Variants in GALNTL6 observed in about 807,000 individuals in gnomAD.
GALNTL6 encodes polypeptide N-acetylgalactosaminyltransferase-like 6.
A neutral mutation model predicts 73.7 loss-of-function variants in GALNTL6; 46 were observed. The ratio of observed to expected loss-of-function variants is 0.62; its 90% CI spans 0.49 to 0.80. GALNTL6 has a LOEUF of 0.80. Among genes scored for constraint, GALNTL6 ranks in the 30% least tolerant of loss-of-function variants. GALNTL6 has a pLI of 0.00. For missense variants in GALNTL6, 604 were observed against 755.0 expected (o/e 0.80, Z 2.34); for synonymous variants, 259 against 263.7 (o/e 0.98, Z 0.17).
chr4:172,184,323 C>T (rs1050158077), intron 2 of GALNTL6, among the ~76,000 whole-genome samples: 3 of 152,258 alleles, frequency 2.0e-5, no homozygotes, highest in African/African-American at 2.4e-5. Context: ...CCCAATCCCA[C>T]ATCACCCTGT....
In GALNTL6 at chr4:172,362,170, C is replaced by T. The variant is rs1021023840; in HGVS notation, c.553+13481C>T. 2.0e-5 allele frequency among the ~76,000 whole-genome samples: 3 copies of T among 152,056 alleles called. No homozygotes were observed. The South Asian group carries it at 6.2e-4, about 31-fold the overall frequency. On this transcript the variant is annotated intron_variant, in intron 5 of 12. Transcript: ENST00000506823. Reference sequence around the variant, plus strand: ...ACATTGGTAAGAACCTCCTTTTATACCTTTACAAAGAGCAGAGGCACTATC... The same window carrying T: ...ACATTGGTAAGAACCTCCTTTTATATCTTTACAAAGAGCAGAGGCACTATC...
In GALNTL6 at chr4:172,232,448, C is replaced by T. The variant is rs866710966; in HGVS notation, c.247+2684C>T. Among the ~76,000 whole-genome samples the T allele has an allele frequency of 3.3e-5, 5 of 151,590 alleles. No homozygotes were observed. The South Asian group carries it at 1.1e-3, about 32-fold the overall frequency. On this transcript the variant is annotated intron_variant, in intron 3 of 12. Transcript: ENST00000506823. ...TTCTTTAATTTTCTGTAACATTGTC[C>T]TCTTGGTGGGCCTTTGAATAGTTTT...
At chr4:172,949,678 C>T (rs11931235) in intron 9 of GALNTL6, among the ~76,000 whole-genome samples, 56,961 of 151,768 alleles carry the variant, frequency 0.38, 11,378 homozygotes, top group East Asian at 0.48. Flanking sequence ...GGGAGGCCAA[C>T]GCGGGTGGAT....
chr4:172,022,669 G>T (rs770500644), intron 2 of GALNTL6, among the ~76,000 whole-genome samples: 1 of 151,640 alleles, frequency 6.6e-6, no homozygotes, highest in Non-Finnish European at 1.5e-5. Context: ...GCAATGTCTT[G>T]TCTGATTACT....
At chr4:171,930,621 G>A (rs180716631) in intron 2 of GALNTL6, among the ~76,000 whole-genome samples, 155 of 152,182 alleles carry the variant, frequency 1.0e-3, no homozygotes, top group Non-Finnish European at 1.9e-3. Context: ...GATCACCTGA[G>A]GTCAGGAGTT....
intron 2 of GALNTL6, among the ~76,000 whole-genome samples, chr4:171,841,261 A>C (rs771734856): frequency 3.9e-5 from 6 of 152,202 alleles, no homozygotes; most frequent in Non-Finnish European, 8.8e-5. Context: ...GATATTAATT[A>C]ATGGTGGATA....
intron 11 of GALNTL6, among the ~76,000 whole-genome samples, chr4:173,011,044 G>T (rs1056296474): frequency 6.6e-6 from 1 of 152,110 alleles, no homozygotes; most frequent in African/African-American, 2.4e-5. Context: ...TTGGATAAAA[G>T]CCATTTCAAC....
At chr4:173,019,487 A>G (rs1752910239) in intron 11 of GALNTL6, among the ~76,000 whole-genome samples, 1 of 152,214 alleles carries the variant, frequency 6.6e-6, no homozygotes, top group Non-Finnish European at 1.5e-5. Flanking sequence ...TCAAAATCCA[A>G]GAGAGCAGTG....
chr4:172,885,643 G>C (rs1225067611), intron 8 of GALNTL6, among the ~76,000 whole-genome samples: 1 of 152,118 alleles, frequency 6.6e-6, no homozygotes, highest in Non-Finnish European at 1.5e-5. Context: ...CTAAATCTTA[G>C]TGGAAAGGCT....
intron 2 of GALNTL6, among the ~76,000 whole-genome samples, chr4:172,190,225 T>G (rs1005544000): frequency 6.6e-6 from 1 of 152,180 alleles, no homozygotes; most frequent in Non-Finnish European, 1.5e-5. Context: ...TAAAAAGGAA[T>G]ATTTACTTCC....
chr4:172,473,860 T>C (rs563098482), intron 5 of GALNTL6, among the ~76,000 whole-genome samples: 2 of 152,218 alleles, frequency 1.3e-5, no homozygotes, highest in Non-Finnish European at 2.9e-5. Context: ...AGACTTCAGA[T>C]TAATACAAAT....
intron 5 of GALNTL6, among the ~76,000 whole-genome samples, chr4:172,771,039 C>G (rs376453965): frequency 3.9e-5 from 6 of 152,086 alleles, no homozygotes; most frequent in African/African-American, 1.2e-4. Context: ...CATATCAGAC[C>G]AAAGGGAAAA....
At chr4:172,097,380 C>T (rs78013400) in intron 2 of GALNTL6, among the ~76,000 whole-genome samples, 304 of 152,234 alleles carry the variant, frequency 2.0e-3, no homozygotes, top group African/African-American at 6.8e-3. Context: ...AATCCTTCCC[C>T]GCTATGCCCT....
chr4:171,867,325 A>C (rs561718243), intron 2 of GALNTL6, among the ~76,000 whole-genome samples: 1 of 152,268 alleles, frequency 6.6e-6, no homozygotes, highest in East Asian at 1.9e-4. Context: ...TTGTATAATA[A>C]ATGTATTAAA....
At chr4:172,380,363 G>A in intron 5 of GALNTL6, 2 of 694,458 alleles carry the variant, frequency 2.9e-6, no homozygotes. Context: ...GGAATCCCAG[G>A]GACTGGCAAT....
At chr4:172,629,762 G>A (rs939618192) in intron 5 of GALNTL6, among the ~76,000 whole-genome samples, 3 of 152,112 alleles carry the variant, frequency 2.0e-5, no homozygotes, top group Non-Finnish European at 4.4e-5. Context: ...CAATGATGAT[G>A]TAGAACATTC....
intron 4 of GALNTL6, among the ~76,000 whole-genome samples, chr4:172,312,791 A>C (rs1409196152): frequency 6.6e-6 from 1 of 152,140 alleles, no homozygotes; most frequent in Non-Finnish European, 1.5e-5. Flanking sequence ...ATCTTTAGAA[A>C]TTTATTTAAA....
intron 7 of GALNTL6, among the ~76,000 whole-genome samples, chr4:172,828,271 CAAA>C (rs35836916): frequency 1.6e-4 from 19 of 122,366 alleles, no homozygotes; most frequent in Admixed American, 3.3e-4. Context: ...GACTCCATCT[CAAA>C]AAAAAAAAAA....
At chr4:172,833,794 A>G (rs1460601526) in intron 7 of GALNTL6, among the ~76,000 whole-genome samples, 1 of 152,220 alleles carries the variant, frequency 6.6e-6, no homozygotes, top group Non-Finnish European at 1.5e-5. Flanking sequence ...TTCTTTCCAC[A>G]GAGAGATGCT....
Sources: allele counts gnomAD v4.1 joint callset (sites outside exome capture counted in the v4.1 genomes callset), GRCh38; gene constraint gnomAD v4.1.1; transcripts MANE v1.5; gene names NCBI Gene and HGNC (gene_info 2026-07-23, HGNC 2026-07-21).